The following ZNF613 variants were observed in gnomAD, a reference collection of about 807,000 sequenced individuals.
ZNF613 encodes the protein zinc finger protein 613.
A neutral mutation model predicts 14.3 loss-of-function variants in ZNF613; 8 were observed. The observed-to-expected ratio is 0.56, with a 90% confidence interval of 0.33 to 1.01. The LOEUF is 1.01. Among genes scored for constraint, ZNF613 ranks in the 50% least tolerant of loss-of-function variants. The pLI, the probability that ZNF613 is intolerant of heterozygous loss-of-function variation, is 0.03. For missense variants in ZNF613, 656 were observed against 741.9 expected (o/e 0.88, Z 1.35); for synonymous variants, 228 against 254.5 (o/e 0.90, Z 0.99).
intron 3 of ZNF613, among the ~76,000 whole-genome samples, chr19:51,937,491 T>A (rs1050429495): frequency 2.0e-5 from 3 of 152,196 alleles, no homozygotes; most frequent in Admixed American, 1.3e-4. Context: ...AAATGACTAA[T>A]GTTGGAACCT....
In ZNF613 at chr19:51,944,338, A is replaced by C. The variant is rs1406476168; in HGVS notation, c.455A>C (p.Lys152Thr). The change falls in exon 6 of 6, where the codon AAG (lysine) becomes ACG (threonine). Residue 152 changes from lysine (K) to threonine (T), a missense_variant. By Grantham distance (78) the Lys-to-Thr change is moderately conservative. Coordinates refer to ENST00000293471, the MANE Select transcript of ZNF613 (RefSeq NM_001031721.4). ...AACCAGAACAAAAGGTATGAAATCAAGAATTCTGTGGGGGTTAATGGAGAT... is the reference window on the plus strand; with the variant it reads ...AACCAGAACAAAAGGTATGAAATCACGAATTCTGTGGGGGTTAATGGAGAT... ...LVNQNKRYEI[K>T]NSVGVNGDGK... 11 of 1,593,680 alleles carry C rather than the reference A, an allele frequency of 6.9e-6. No individual in the cohort carries two copies. The South Asian group carries it at 1.2e-4, about 18-fold the overall frequency.
At position 51,945,442 on chromosome 19, in the gene ZNF613, C is replaced by A. The variant is rs749041806; in HGVS notation, c.1559C>A (p.Ala520Asp). ...RPYGCSDCGK[A>D]FSHLSCLVYH... ...TATGGATGCTCTGATTGTGGGAAAG[C>A]TTTCTCCCACTTGTCATGCCTTGTT... The change falls in exon 6 of 6, where the codon GCT becomes GAT. Residue 520 changes from alanine to aspartate, a missense_variant. Ala to Asp is a moderately radical substitution (Grantham distance 126). Transcript: ENST00000293471. 9 of 1,614,182 alleles carry A rather than the reference C, an allele frequency of 5.6e-6. No individual in the cohort carries two copies. In the South Asian group the frequency reaches 9.9e-5, roughly 18 times the overall value.
intron 1 of ZNF613, among the ~76,000 whole-genome samples, chr19:51,928,831 G>T (rs2085239714): frequency 6.8e-6 from 1 of 147,870 alleles, no homozygotes. Context: ...TCCAGCCTGG[G>T]CAACAGAGTG....
intron 2 of ZNF613, among the ~76,000 whole-genome samples, chr19:51,930,495 C>T (rs2122804178): frequency 6.6e-6 from 1 of 152,304 alleles, no homozygotes; most frequent in East Asian, 1.9e-4. Flanking sequence ...CTCCTGACCT[C>T]AGCTGATCCG....
rs753762132 is a variant in ZNF613, at chr19:51,945,660, G to A, written c.1777G>A (p.Glu593Lys). The change falls in exon 6 of 6, where the codon GAG becomes AAG. Residue 593 changes from glutamate (E) to lysine (K), a missense_variant. Glu to Lys is a moderately conservative substitution (Grantham distance 56, BLOSUM62 1). Coordinates refer to ENST00000293471, the MANE Select transcript of ZNF613 (RefSeq NM_001031721.4). Reference protein sequence around the residue: ...TSLTNSAFQAESKVAIVSQPV... With the variant: ...TSLTNSAFQAKSKVAIVSQPV... ...ATTAACTAACAGTGCGTTCCAAGCA[G>A]AGAGCAAAGTAGCCATTGTGAGCCA... is the stretch of plus-strand genomic sequence containing the variant. 47 of 1,614,164 alleles carry A rather than the reference G, an allele frequency of 2.9e-5. No individual in the cohort carries two copies. Among genetic ancestry groups the A allele is most frequent in the Non-Finnish European group, 4.0e-5 (47 of 1,180,028 alleles).
chr19:51,937,847 A>G (rs1247874973), intron 3 of ZNF613, among the ~76,000 whole-genome samples: 4 of 148,756 alleles, frequency 2.7e-5, no homozygotes, highest in Non-Finnish European at 4.4e-5. Context: ...CTCCTGCCTC[A>G]GCCTCCCGAG....
chr19:51,944,776 T>A lies in ZNF613; in HGVS notation c.893T>A (p.Ile298Asn). 6.2e-7 allele frequency: 1 copy of A among 1,612,998 alleles called. No individual in the cohort carries two copies. The highest frequency in any genetic ancestry group is 1.1e-5 in the South Asian group (1 of 91,062). Reference protein sequence around the residue: ...YICSDCGKGFIKKSRLINHQR... With the variant: ...YICSDCGKGFNKKSRLINHQR... The stretch of plus-strand genomic sequence containing the variant: ...TGCAGTGATTGTGGAAAAGGCTTCA[T>A]CAAGAAGTCTCGGCTCATTAATCAT... Residue 298 changes from isoleucine (I) to asparagine (N), a missense_variant, in exon 6 of 6, where the codon ATC (isoleucine) becomes AAC (asparagine). Ile to Asn is a moderately radical substitution (Grantham distance 149). Transcript: ENST00000293471.
chr19:51,933,691 A>G, intron 2 of ZNF613, among the ~76,000 whole-genome samples: 1 of 152,222 alleles, frequency 6.6e-6, no homozygotes, highest in African/African-American at 2.4e-5. Flanking sequence ...TGTTGGCCAC[A>G]ATCTTTAAGA....
In ZNF613 at chr19:51,945,528, C is replaced by G; in HGVS notation, c.1645C>G (p.Pro549Ala). The G allele has an allele frequency of 6.2e-7, 1 of 1,614,122 alleles. No homozygotes were observed. Among genetic ancestry groups the G allele is most frequent in the Non-Finnish European group, 8.5e-7 (1 of 1,180,026 alleles). ...KCVGSVKLEN[P>A]CSESHSLSHT... ...TGTAGGTTCAGTCAAATTGGAAAAT[C>G]CTTGCTCAGAGAGTCATAGCTTATC... The change falls in exon 6 of 6, where the codon CCT (proline) becomes GCT (alanine). Residue 549 changes from proline (P) to alanine (A), a missense_variant. Physicochemically the swap from Pro to Ala is conservative, Grantham distance 27. Coordinates refer to ENST00000293471, the MANE Select transcript of ZNF613 (RefSeq NM_001031721.4).
intron 1 of ZNF613, among the ~76,000 whole-genome samples, chr19:51,928,866 A>AG (rs2085241120): frequency 6.6e-6 from 1 of 151,748 alleles, no homozygotes. Flanking sequence ...AAAAAAAAAA[A>AG]AAAGAAAAGA....
Position 51,945,831 on chromosome 19 carries a change from A to G in ZNF613, c.*94A>G, listed in dbSNP as rs1193864881. ...ACAGAGGAACAAACTGATATATTCA[A>G]GGTGGAAAGCCCTTGAATAAAACCT... On this transcript the variant is annotated 3_prime_UTR_variant, in exon 6 of 6. Transcript: ENST00000293471. The G allele has an allele frequency of 4.2e-6, 6 of 1,414,256 alleles. No individual in the cohort carries two copies. The highest frequency in any genetic ancestry group is 5.8e-6 in the Non-Finnish European group (6 of 1,025,680). 87.6% of individuals were successfully genotyped at this position (1,414,256 alleles called of 1,614,324 possible).
intron 2 of ZNF613, among the ~76,000 whole-genome samples, chr19:51,932,819 G>A (rs962696225): frequency 1.3e-5 from 2 of 151,894 alleles, no homozygotes; most frequent in Non-Finnish European, 2.9e-5. Flanking sequence ...GGGATTATAG[G>A]CATGCACCAC....
At chr19:51,938,764 G>A (rs1249566792) in intron 3 of ZNF613, among the ~76,000 whole-genome samples, 1 of 115,376 alleles carries the variant, frequency 8.7e-6, no homozygotes, top group African/African-American at 4.9e-5. Context: ...GCAATATGCT[G>A]TATAGGTTTA....
chr19:51,945,490 C>A lies in ZNF613; in HGVS notation c.1607C>A (p.Ala536Glu). Residue 536 changes from alanine to glutamate, a missense_variant, in exon 6 of 6, where the codon GCA becomes GAA. By Grantham distance (107) the Ala-to-Glu change is moderately radical. Transcript: ENST00000293471. Reference protein sequence around the residue: ...CLVYHKGMLHAREKCVGSVKL... With the variant: ...CLVYHKGMLHEREKCVGSVKL... ...GTTTATCATAAGGGAATGCTGCATGCAAGAGAGAAATGTGTAGGTTCAGTC... is the reference window on the plus strand; with the variant it reads ...GTTTATCATAAGGGAATGCTGCATGAAAGAGAGAAATGTGTAGGTTCAGTC... 1 of 1,614,152 alleles carries A rather than the reference C, an allele frequency of 6.2e-7. No homozygotes were observed. The highest frequency in any genetic ancestry group is 1.1e-5 in the South Asian group (1 of 91,084).
intron 1 of ZNF613, among the ~76,000 whole-genome samples, chr19:51,928,680 G>A (rs2085237694): frequency 6.6e-6 from 1 of 151,904 alleles, no homozygotes. Flanking sequence ...GAACAACATA[G>A]CCTGTCTCTC....
rs2085401599 is a variant in ZNF613 at position 51,946,349 on chromosome 19, G to C, written c.*612G>C. The C allele has an allele frequency of 6.6e-6, 1 of 152,350 alleles. No individual in the cohort carries two copies. The highest frequency in any genetic ancestry group is 2.4e-5 in the African/African-American group (1 of 41,372). The allele number at this position is 152,350 out of a possible 1,614,324, so 9.4% of individuals were successfully genotyped here. On this transcript the variant is annotated 3_prime_UTR_variant, in exon 6 of 6. Transcript: ENST00000293471. ...GATATGTCAATGACTAATTAAAAGGGGTTGTCAGTGTTACACATCATTGGT... is the reference window on the plus strand; with the variant it reads ...GATATGTCAATGACTAATTAAAAGGCGTTGTCAGTGTTACACATCATTGGT...
rs776058231 is a variant in ZNF613, at chr19:51,944,635, A to G, written c.752A>G (p.Gln251Arg). Reference sequence around the variant, plus strand: ...AGAAAGTCCGGGCTCACTGAACACCAGAGAAACCACACAGGAGAGAAACCC... The same window carrying G: ...AGAAAGTCCGGGCTCACTGAACACCGGAGAAACCACACAGGAGAGAAACCC... ...FSRKSGLTEHQRNHTGEKPYE... is the reference protein window; with the variant it reads ...FSRKSGLTEHRRNHTGEKPYE... The change falls in exon 6 of 6, where the codon CAG becomes CGG. Residue 251 changes from glutamine (Q) to arginine (R), a missense_variant. Gln to Arg is a conservative substitution (Grantham distance 43). Coordinates refer to ENST00000293471, the MANE Select transcript of ZNF613 (RefSeq NM_001031721.4). The G allele has an allele frequency of 1.2e-6, 2 of 1,614,232 alleles. No homozygotes were observed. The highest frequency in any genetic ancestry group is 1.7e-5 in the Admixed American group (1 of 60,032).
chr19:51,935,426 G>GCCA (rs1346275754), intron 2 of ZNF613, among the ~76,000 whole-genome samples: 2 of 152,224 alleles, frequency 1.3e-5, no homozygotes, highest in Non-Finnish European at 2.9e-5. Context: ...TTGGAGACAG[G>GCCA]CTGTGTGGGT....
chr19:51,927,724 G>A (rs1022441777), intron 1 of ZNF613, among the ~76,000 whole-genome samples, 184 bp downstream of exon 1: 2 of 151,862 alleles, frequency 1.3e-5, no homozygotes, highest in Non-Finnish European at 2.9e-5. Flanking sequence ...TCTGTCCAGA[G>A]CAACACTTGG....
Sources: gnomAD v4.1 joint callset for allele counts (sites outside exome capture counted in the v4.1 genomes callset) on GRCh38, gnomAD v4.1.1 for gene constraint, MANE v1.5 for transcripts, NCBI Gene and HGNC (gene_info 2026-07-23, HGNC 2026-07-21) for gene names.